Variants in ZRANB3 observed in about 807,000 individuals in gnomAD.
The protein encoded by ZRANB3 is zinc finger RANBP2-type containing 3.
A neutral mutation model predicts 133.8 loss-of-function variants in ZRANB3; 125 were observed. The ratio of observed to expected loss-of-function variants is 0.93; its 90% CI spans 0.81 to 1.08. The LOEUF (loss-of-function observed/expected upper bound fraction) is 1.08, where lower values mean the gene tolerates loss of function less well. Ranked by LOEUF, ZRANB3 falls within the 50% of genes least tolerant of loss-of-function variation. The pLI, the probability that ZRANB3 is intolerant of heterozygous loss-of-function variation, is 0.00. For synonymous variants in ZRANB3, 387 were observed against 432.7 expected (o/e 0.89, Z 1.31); for missense variants, 1,229 against 1,275.5 (o/e 0.96, Z 0.56).
At chr2:135,370,531 A>G (rs1269971496) in intron 3 of ZRANB3, among the ~76,000 whole-genome samples, 1 of 152,150 alleles carries the variant, frequency 6.6e-6, no homozygotes, top group Non-Finnish European at 1.5e-5. Context: ...AGTTCTAAGA[A>G]CTTACCAAAC....
Position 135,275,764 on chromosome 2 carries a change from TA to T in ZRANB3, c.967-10del. ...TCCTTTACAGCACCTGCCTAAATAT[TA>T]AAAGGTAAACCTTATTAGTGTCATA... On this transcript the variant is annotated splice_polypyrimidine_tract_variant and intron_variant, in intron 8 of 20. Transcript: ENST00000264159. 1.3e-6 allele frequency: 2 copies of T among 1,548,806 alleles called. No homozygotes were observed. Among genetic ancestry groups the T allele is most frequent in the Non-Finnish European group, 1.7e-6 (2 of 1,146,574 alleles).
intron 12 of ZRANB3, among the ~76,000 whole-genome samples, chr2:135,249,345 G>T (rs1679257453): frequency 6.6e-6 from 1 of 152,186 alleles, no homozygotes; most frequent in Non-Finnish European, 1.5e-5. Context: ...GGAATCAACA[G>T]AAATGCATGT....
chr2:135,353,768 A>AGG, intron 3 of ZRANB3, 140 bp from the exon 4 acceptor site: 1 of 472,840 alleles, frequency 2.1e-6, no homozygotes, highest in Non-Finnish European at 3.3e-6. Context: ...TGGGAGGCTG[A>AGG]TGCAGGTGGA....
chr2:135,289,745 A>C (rs1681590388), intron 8 of ZRANB3, among the ~76,000 whole-genome samples: 1 of 152,138 alleles, frequency 6.6e-6, no homozygotes, highest in Non-Finnish European at 1.5e-5. Context: ...TCTACTAAAA[A>C]TACAAAAATT....
rs117393746 is a variant in ZRANB3, at chr2:135,499,403, G to A, written c.161+4926C>T. On this transcript the variant is annotated intron_variant, in intron 2 of 20. Transcript: ENST00000264159. ...GAAGACATCATTAAGACAAGGAAAA[G>A]GCAAAACACAACCTGAGAAAATTTA... is the stretch of plus-strand genomic sequence containing the variant. Among the ~76,000 whole-genome samples the A allele has an allele frequency of 3.8e-3, 576 of 152,080 alleles. 15 individuals are homozygous for A. Among genetic ancestry groups the A allele is most frequent in the East Asian group, 0.032 (168 of 5,182 alleles).
intron 2 of ZRANB3, among the ~76,000 whole-genome samples, chr2:135,405,374 G>C (rs1687960798): frequency 6.6e-6 from 1 of 152,170 alleles, no homozygotes; most frequent in Non-Finnish European, 1.5e-5. Flanking sequence ...AAAAATGGGA[G>C]ACTTTAACAT....
intron 2 of ZRANB3, among the ~76,000 whole-genome samples, chr2:135,438,725 T>C (rs1689652375): frequency 6.6e-6 from 1 of 152,184 alleles, no homozygotes; most frequent in Admixed American, 6.5e-5. Flanking sequence ...ACATTATCTG[T>C]TGACTTCTGT....
intron 2 of ZRANB3, among the ~76,000 whole-genome samples, chr2:135,425,687 T>C (rs1689030631): frequency 6.6e-6 from 1 of 152,072 alleles, no homozygotes; most frequent in African/African-American, 2.4e-5. Context: ...GGAATCCAGC[T>C]AAAGCAGTGT....
At chr2:135,415,649 A>T (rs1457810075) in intron 2 of ZRANB3, among the ~76,000 whole-genome samples, 1 of 152,208 alleles carries the variant, frequency 6.6e-6, no homozygotes, top group Admixed American at 6.5e-5. Flanking sequence ...GCAGAGACAC[A>T]GCCAAAAAAG....
At chr2:135,409,763 C>G (rs569806368) in intron 2 of ZRANB3, among the ~76,000 whole-genome samples, 2 of 152,244 alleles carry the variant, frequency 1.3e-5, no homozygotes, top group East Asian at 3.9e-4. Flanking sequence ...ACCTGATAAA[C>G]AAGTTCAGTA....
chr2:135,425,809 C>T (rs1266997720), intron 2 of ZRANB3, among the ~76,000 whole-genome samples: 1 of 151,226 alleles, frequency 6.6e-6, no homozygotes, highest in Non-Finnish European at 1.5e-5. Flanking sequence ...CAAACCAACC[C>T]CAAGGATAGC....
intron 15 of ZRANB3, among the ~76,000 whole-genome samples, chr2:135,219,994 C>T (rs529124066): frequency 1.7e-3 from 263 of 152,172 alleles, no homozygotes; most frequent in Admixed American, 3.1e-3. Flanking sequence ...ATCTCAGCCT[C>T]CCAAGTAGCT....
chr2:135,312,157 TTTTTATTTTATTTTA>T (rs879598687), intron 8 of ZRANB3, among the ~76,000 whole-genome samples: 157 of 95,094 alleles, frequency 1.7e-3, no homozygotes, highest in Admixed American at 4.7e-3. Flanking sequence ...TTTTATTTTA[TTTTTATTTTATTTTA>T]TTTTATTTTA....
chr2:135,518,798 T>G (rs1437896551), intron 1 of ZRANB3, among the ~76,000 whole-genome samples: 1 of 152,210 alleles, frequency 6.6e-6, no homozygotes, highest in African/African-American at 2.4e-5. Flanking sequence ...TGCCACATTT[T>G]CAGCTGCTAT....
rs776807586 is a variant in ZRANB3, at chr2:135,261,978, G to C, written c.1539+3556C>G. Among the ~76,000 whole-genome samples the C allele has an allele frequency of 8.6e-4, 131 of 151,722 alleles. 2 individuals carry two copies. The highest frequency in any genetic ancestry group is 9.3e-4 in the Non-Finnish European group (63 of 67,910). On this transcript the variant is annotated intron_variant, in intron 12 of 20. Transcript: ENST00000264159. ...AGCTGGAGACCAGCCTGGGCAACAGGGTGAAACCCCGTCTTTAATAAAATA... is the reference window on the plus strand; with the variant it reads ...AGCTGGAGACCAGCCTGGGCAACAGCGTGAAACCCCGTCTTTAATAAAATA...
At chr2:135,215,501 C>A (rs918452059) in intron 17 of ZRANB3, among the ~76,000 whole-genome samples, 9 of 152,074 alleles carry the variant, frequency 5.9e-5, no homozygotes, top group African/African-American at 2.2e-4. Context: ...AGTCTGTCCT[C>A]CTTGGCCTCC....
At chr2:135,448,427 C>A (rs1285218952) in intron 2 of ZRANB3, among the ~76,000 whole-genome samples, 1 of 152,170 alleles carries the variant, frequency 6.6e-6, no homozygotes, top group Non-Finnish European at 1.5e-5. Flanking sequence ...GGAATTCAGT[C>A]TCTTTGTAAA....
intron 3 of ZRANB3, among the ~76,000 whole-genome samples, chr2:135,365,379 G>A (rs975731904): frequency 3.9e-5 from 6 of 152,284 alleles, no homozygotes; most frequent in Non-Finnish European, 7.4e-5. Flanking sequence ...CACTGAAAGG[G>A]TATCTAATTT....
intron 1 of ZRANB3, among the ~76,000 whole-genome samples, chr2:135,507,317 AAT>A (rs1279432630): frequency 3.3e-5 from 5 of 152,224 alleles, no homozygotes; most frequent in African/African-American, 9.6e-5. Flanking sequence ...TATGCTTGAA[AAT>A]ATATGAGTCT....
Sources: gnomAD v4.1 joint callset for allele counts (sites outside exome capture counted in the v4.1 genomes callset) on GRCh38, gnomAD v4.1.1 for gene constraint, MANE v1.5 for transcripts, NCBI Gene and HGNC (gene_info 2026-07-23, HGNC 2026-07-21) for gene names.